SMPD3: variants seen among roughly 807,000 people sequenced by gnomAD.
SMPD3 encodes sphingomyelin phosphodiesterase 3.
In SMPD3, 21 loss-of-function variants were observed where a neutral mutation model predicts 55.7. That is an observed-to-expected ratio of 0.38 (90% CI 0.27 to 0.54). The LOEUF (loss-of-function observed/expected upper bound fraction) is 0.54. Among genes scored for constraint, SMPD3 ranks in the 20% least tolerant of loss-of-function variants. The pLI is 0.80. For synonymous variants in SMPD3, 457 were observed against 404.3 expected (o/e 1.13, Z -1.56); for missense variants, 842 against 899.6 (o/e 0.94, Z 0.82).
chr16:68,388,384 G>A (rs1045190328), intron 1 of SMPD3, among the ~76,000 whole-genome samples: 1 of 152,176 alleles, frequency 6.6e-6, no homozygotes, highest in African/African-American at 2.4e-5. Context: ...CAACCTGCAT[G>A]CACCTCTGTC....
intron 1 of SMPD3, among the ~76,000 whole-genome samples, chr16:68,444,290 C>T (rs1037663467): frequency 1.3e-5 from 2 of 152,128 alleles, no homozygotes; most frequent in Non-Finnish European, 2.9e-5. Flanking sequence ...CAGCTGGCTG[C>T]CCCAGGGAGC....
rs752444866 is a variant in SMPD3 at position 68,363,531 on chromosome 16, G to A, written c.1674C>T (p.Tyr558=). The change falls in exon 7 of 9, where the codon TAC becomes TAT. Residue 558 remains tyrosine (Y), a synonymous_variant. Transcript: ENST00000219334. Reference sequence around the variant, plus strand: ...TGTCGGGGGTGCACACATCCTCATCGTACAGGCCGTTCGTGTCCAGCAGAG... The same window carrying A: ...TGTCGGGGGTGCACACATCCTCATCATACAGGCCGTTCGTGTCCAGCAGAG... ...IGTLLDTNGL[Y]DEDVCTPDNL... is the part of the protein sequence containing the mutation. The A allele has an allele frequency of 9.3e-6, 15 of 1,613,818 alleles. No individual in the cohort carries two copies. The East Asian group carries it at 1.1e-4, about 12-fold the overall frequency.
At position 68,371,051 on chromosome 16, in the gene SMPD3, C is replaced by T; in HGVS notation, c.1131G>A (p.Gln377=). ...GGATGTACTCGAAGTAGCCGTGCAG[C>T]TGCTCTTTCAATTTGGTGGCTGCTC... ...DKRAATKLKE[Q]LHGYFEYILY... Residue 377 remains glutamine, a synonymous_variant, in exon 3 of 9, where the codon CAG becomes CAA. Coordinates refer to ENST00000219334, the MANE Select transcript of SMPD3 (RefSeq NM_018667.4). 1 of 1,614,230 alleles carries T rather than the reference C, an allele frequency of 6.2e-7. No individual in the cohort carries two copies. The highest frequency in any genetic ancestry group is 8.5e-7 in the Non-Finnish European group (1 of 1,180,040).
chr16:68,365,956 A>C (rs915492284), intron 3 of SMPD3, among the ~76,000 whole-genome samples: 1 of 152,212 alleles, frequency 6.6e-6, no homozygotes, highest in Non-Finnish European at 1.5e-5. Context: ...AGGGATGGCC[A>C]CAGAGATGCC....
rs1431468507 is a variant in SMPD3, at chr16:68,358,756, T to C, written c.*2450A>G. ...CTAGGGCAGGAACAGAGTCTTGGTA[T>C]GGGCCTCGGGTGACCCGTGTGCCCA... On this transcript the variant is annotated 3_prime_UTR_variant, in exon 9 of 9. Coordinates refer to ENST00000219334, the MANE Select transcript of SMPD3 (RefSeq NM_018667.4). 3.3e-5 allele frequency: 5 copies of C among 152,480 alleles called. No individual in the cohort carries two copies. Among genetic ancestry groups the C allele is most frequent in the African/African-American group, 7.2e-5 (3 of 41,464 alleles). The allele number at this position is 152,480 out of a possible 1,614,324, so 9.4% of individuals were successfully genotyped here.
intron 1 of SMPD3, among the ~76,000 whole-genome samples, chr16:68,410,189 C>T (rs574118372): frequency 6.6e-6 from 1 of 152,326 alleles, no homozygotes; most frequent in East Asian, 1.9e-4. Context: ...CCGGCACACA[C>T]GAATGCCCCG....
chr16:68,377,489 C>T (rs1597618876), intron 2 of SMPD3, among the ~76,000 whole-genome samples: 1 of 152,310 alleles, frequency 6.6e-6, no homozygotes, highest in African/African-American at 2.4e-5. Flanking sequence ...CTGTTGCTGA[C>T]ATATGACCTG....
At position 68,361,091 on chromosome 16, in the gene SMPD3, T is replaced by C; in HGVS notation, c.*115A>G. 1 of 924,506 alleles carries C rather than the reference T, an allele frequency of 1.1e-6. No individual in the cohort carries two copies. The highest frequency in any genetic ancestry group is 1.6e-5 in the South Asian group (1 of 60,646). 57.3% of individuals were successfully genotyped at this position (924,506 alleles called of 1,614,324 possible). On this transcript the variant is annotated 3_prime_UTR_variant, in exon 9 of 9. Transcript: ENST00000219334. ...CAGGTTCCCGGGCACTGACTGTGGCTCCCTCCCTGTCCCTGCCCTCCTCCC... is the reference window on the plus strand; with the variant it reads ...CAGGTTCCCGGGCACTGACTGTGGCCCCCTCCCTGTCCCTGCCCTCCTCCC...
Position 68,371,426 on chromosome 16 carries a change from G to A in SMPD3, c.756C>T (p.Gly252=), listed in dbSNP as rs541687567. The A allele has an allele frequency of 1.0e-5, 16 of 1,573,850 alleles. No homozygotes were observed. In the East Asian group the frequency reaches 2.0e-4, roughly 20 times the overall value. ...ACIVRIGGEE[G]GRPPEADDPV... Reference sequence around the variant, plus strand: ...GGTCGTCAGCTTCAGGTGGCCGGCCGCCCTCCTCGCCACCGATGCGCACGA... The same window carrying A: ...GGTCGTCAGCTTCAGGTGGCCGGCCACCCTCCTCGCCACCGATGCGCACGA... Residue 252 remains glycine, a synonymous_variant, in exon 3 of 9, where the codon GGC becomes GGT. Transcript: ENST00000219334.
At chr16:68,410,851 C>T (rs1258882656) in intron 1 of SMPD3, among the ~76,000 whole-genome samples, 3 of 152,254 alleles carry the variant, frequency 2.0e-5, no homozygotes, top group South Asian at 2.1e-4. Flanking sequence ...CCTGCAGCAT[C>T]GAGGCACCTT....
chr16:68,370,118 G>A (rs1458107379), intron 3 of SMPD3: 1 of 152,244 alleles, frequency 6.6e-6, no homozygotes, highest in Admixed American at 6.5e-5. Context: ...AACAAAAGTC[G>A]ACACTCTGAG....
intron 1 of SMPD3, among the ~76,000 whole-genome samples, chr16:68,430,909 T>C (rs1368625019): frequency 2.6e-5 from 4 of 152,230 alleles, no homozygotes; most frequent in South Asian, 2.1e-4. Flanking sequence ...TGGATAGACA[T>C]GCCCTATTGA....
intron 1 of SMPD3, among the ~76,000 whole-genome samples, chr16:68,388,172 T>G (rs1035644889): frequency 3.9e-5 from 6 of 152,208 alleles, no homozygotes; most frequent in Non-Finnish European, 7.4e-5. Context: ...GTCTATGCTC[T>G]GCACGTGGTG....
At chr16:68,367,952 C>T (rs2089534528) in intron 3 of SMPD3, 1 of 152,258 alleles carries the variant, frequency 6.6e-6, no homozygotes, top group South Asian at 2.1e-4. Context: ...GCTCTGAAGT[C>T]CCATACGGGA....
At chr16:68,398,939 C>T (rs1315853757) in intron 1 of SMPD3, among the ~76,000 whole-genome samples, 2 of 152,192 alleles carry the variant, frequency 1.3e-5, no homozygotes, top group Admixed American at 6.5e-5. Context: ...TCAAGGAAGC[C>T]TTTGACATCG....
chr16:68,388,006 T>C (rs2090075678), intron 1 of SMPD3, among the ~76,000 whole-genome samples: 1 of 152,180 alleles, frequency 6.6e-6, no homozygotes, highest in African/African-American at 2.4e-5. Context: ...CCATCGGTCT[T>C]GGGCAAGTCA....
At chr16:68,421,179 C>T (rs780963548) in intron 1 of SMPD3, among the ~76,000 whole-genome samples, 4 of 152,182 alleles carry the variant, frequency 2.6e-5, no homozygotes, top group Non-Finnish European at 5.9e-5. Context: ...CCTCTGTACA[C>T]AGGGGCCCCT....
At chr16:68,375,423 C>T (rs554658277) in intron 2 of SMPD3, among the ~76,000 whole-genome samples, 4 of 152,332 alleles carry the variant, frequency 2.6e-5, no homozygotes, top group African/African-American at 7.2e-5. Context: ...ACCATGCTGC[C>T]GTCCTGGCAG....
In SMPD3 at chr16:68,364,764, A is replaced by G. The variant is rs2089424278; in HGVS notation, c.1542T>C (p.Asp514=). Residue 514 remains aspartate (D), a synonymous_variant, in exon 5 of 9, where the codon GAT becomes GAC. Coordinates refer to ENST00000219334, the MANE Select transcript of SMPD3 (RefSeq NM_018667.4). ...GCCCGGCCTCACCAGAGGAGCAGTTATCAAAGTTGAAATCTCCACAGACGA... is the reference window on the plus strand; with the variant it reads ...GCCCGGCCTCACCAGAGGAGCAGTTGTCAAAGTTGAAATCTCCACAGACGA... ...FDVVCGDFNF[D]NCSSDDKLEQ... The G allele has an allele frequency of 7.4e-6, 12 of 1,613,448 alleles. No individual in the cohort carries two copies. The highest frequency in any genetic ancestry group is 1.0e-5 in the Non-Finnish European group (12 of 1,179,834).
Sources: allele counts gnomAD v4.1 joint callset (sites outside exome capture counted in the v4.1 genomes callset), GRCh38; gene constraint gnomAD v4.1.1; transcripts MANE v1.5; gene names NCBI Gene and HGNC (gene_info 2026-07-23, HGNC 2026-07-21).